Variants in ASCC3 observed in about 807,000 individuals in gnomAD.
ASCC3 encodes ASC-1 complex subunit P200.
Under a neutral mutation model 256.3 loss-of-function variants are expected in ASCC3, and 158 were observed. The observed-to-expected ratio is 0.62, with a 90% CI of 0.54 to 0.70. The LOEUF is 0.70. Ranked by LOEUF, ASCC3 falls within the 30% of genes least tolerant of loss-of-function variation. The pLI, the probability that ASCC3 is intolerant of heterozygous loss-of-function variation, is 0.00. For synonymous variants in ASCC3, 948 were observed against 883.4 expected (o/e 1.07, Z -1.30); for missense variants, 2,259 against 2,626.0 (o/e 0.86, Z 3.05).
At chr6:100,751,376 TC>T (rs1254854556) in intron 10 of ASCC3, among the ~76,000 whole-genome samples, 3 of 152,024 alleles carry the variant, frequency 2.0e-5, no homozygotes, top group Admixed American at 2.0e-4. Flanking sequence ...CTATAGGAGT[TC>T]CTTCCCCAGG....
rs142585030 is a variant in ASCC3, at chr6:100,706,506, A to G, written c.2151+8956T>C. On this transcript the variant is annotated intron_variant, in intron 13 of 41. Coordinates refer to ENST00000369162, the MANE Select transcript of ASCC3 (RefSeq NM_006828.4). The stretch of plus-strand genomic sequence containing the variant: ...ACCTCTAAATGAGTCTCAATAATCA[A>G]TGACTACTATGAAGTACCAGTTCTT... Among the ~76,000 whole-genome samples the G allele has an allele frequency of 1.5e-3, 229 of 151,916 alleles. 1 individual carries two copies. The highest frequency in any genetic ancestry group is 5.4e-3 in the African/African-American group (223 of 41,498).
chr6:100,776,198 A>G (rs2115156634), intron 8 of ASCC3, among the ~76,000 whole-genome samples: 1 of 152,256 alleles, frequency 6.6e-6, no homozygotes, highest in Non-Finnish European at 1.5e-5. Flanking sequence ...TATTGATTTT[A>G]TACATTAATG....
chr6:100,715,217 T>C (rs1779034470), intron 13 of ASCC3: 1 of 360,408 alleles, frequency 2.8e-6, no homozygotes, highest in Non-Finnish European at 5.0e-6. Context: ...AAGAATATAA[T>C]ATTTAAAATT....
chr6:100,729,414 A>G (rs1779794366), intron 10 of ASCC3, among the ~76,000 whole-genome samples: 1 of 152,222 alleles, frequency 6.6e-6, no homozygotes, highest in Non-Finnish European at 1.5e-5. Context: ...ATTGGAAGCT[A>G]TGCTTCAGTT....
chr6:100,557,803 T>C (rs1202749154), intron 36 of ASCC3, among the ~76,000 whole-genome samples: 1 of 152,096 alleles, frequency 6.6e-6, no homozygotes, highest in Non-Finnish European at 1.5e-5. Context: ...ACAAGGTGAC[T>C]ATAGTCAATA....
chr6:100,693,086 G>A (rs1414726379), intron 13 of ASCC3, among the ~76,000 whole-genome samples: 1 of 151,844 alleles, frequency 6.6e-6, no homozygotes, highest in South Asian at 2.1e-4. Flanking sequence ...AATATATAAT[G>A]ATATGAATTT....
In ASCC3 at chr6:100,848,325, G is replaced by A. The variant is rs1055390083; in HGVS notation, c.624C>T (p.Cys208=). 13 of 1,614,088 alleles carry A rather than the reference G, an allele frequency of 8.1e-6. No individual in the cohort carries two copies. Among genetic ancestry groups the A allele is most frequent in the Non-Finnish European group, 1.1e-5 (13 of 1,179,996 alleles). ...KFLNEHLQEA[C]TPELKPVEKT... ...TTTCCACAGGCTTGAGTTCTGGGGT[G>A]CAAGCCTCCTGGAGATGTTCATTCA... The change falls in exon 4 of 42, where the codon TGC becomes TGT. Residue 208 remains cysteine, a synonymous_variant. Coordinates refer to ENST00000369162, the MANE Select transcript of ASCC3 (RefSeq NM_006828.4).
intron 13 of ASCC3, among the ~76,000 whole-genome samples, chr6:100,707,118 A>G (rs1171811768): frequency 6.6e-6 from 1 of 152,092 alleles, no homozygotes. Flanking sequence ...CATATTTACC[A>G]CAGACTTCCC....
intron 4 of ASCC3, among the ~76,000 whole-genome samples, chr6:100,819,901 A>G (rs1770953283): frequency 7.1e-6 from 1 of 141,116 alleles, no homozygotes; most frequent in African/African-American, 2.4e-5. Flanking sequence ...TATTAACAAT[A>G]ATACATTACT....
chr6:100,809,209 T>C (rs2114377810), intron 4 of ASCC3, among the ~76,000 whole-genome samples: 1 of 152,166 alleles, frequency 6.6e-6, no homozygotes, highest in Admixed American at 6.6e-5. Context: ...AAGTTGGCCT[T>C]AGCTTACTGT....
At chr6:100,515,716 A>G (rs1377273177) in intron 39 of ASCC3, among the ~76,000 whole-genome samples, 1 of 152,186 alleles carries the variant, frequency 6.6e-6, no homozygotes, top group Non-Finnish European at 1.5e-5. Flanking sequence ...GAGGGGCATA[A>G]ACAAATAACT....
intron 1 of ASCC3, among the ~76,000 whole-genome samples, chr6:100,871,525 T>A (rs1438071888): frequency 1.3e-5 from 2 of 152,118 alleles, no homozygotes; most frequent in African/African-American, 4.8e-5. Flanking sequence ...TCCCAGCACT[T>A]TGGGGCCAAG....
intron 10 of ASCC3, among the ~76,000 whole-genome samples, chr6:100,765,593 T>A (rs1451350586): frequency 6.6e-6 from 1 of 152,146 alleles, no homozygotes; most frequent in Non-Finnish European, 1.5e-5. Context: ...CAAATGTATA[T>A]CTTACATGTA....
chr6:100,627,827 C>T lies in ASCC3; in HGVS notation c.4521+15G>A. 1 of 1,613,370 alleles carries T rather than the reference C, an allele frequency of 6.2e-7. No homozygotes were observed. Among genetic ancestry groups the T allele is most frequent in the African/African-American group, 1.3e-5 (1 of 75,002 alleles). On this transcript the variant is annotated intron_variant, in intron 28 of 41. Transcript: ENST00000369162. ...ACTACTAAATAAATGCATAATTTAT[C>T]AATCTTCTACATACCTGCTTAATAT...
At chr6:100,648,210 T>C (rs536129578) in intron 20 of ASCC3, among the ~76,000 whole-genome samples, 1 of 152,148 alleles carries the variant, frequency 6.6e-6, no homozygotes, top group African/African-American at 2.4e-5. Context: ...AATAGACATA[T>C]AGAAAGTTAT....
At chr6:100,624,838 T>C (rs934449503) in intron 30 of ASCC3, among the ~76,000 whole-genome samples, 1 of 151,864 alleles carries the variant, frequency 6.6e-6, no homozygotes. Context: ...TTTTATATAT[T>C]AGTGCTTCCT....
intron 13 of ASCC3, among the ~76,000 whole-genome samples, chr6:100,712,812 C>G (rs1383371693): frequency 7.8e-6 from 1 of 128,234 alleles, no homozygotes; most frequent in Non-Finnish European, 1.6e-5. Flanking sequence ...GGCTGGAGCA[C>G]AGTGACACCA....
chr6:100,832,021 T>C (rs75797830), intron 4 of ASCC3, among the ~76,000 whole-genome samples: 2 of 151,964 alleles, frequency 1.3e-5, no homozygotes, highest in Admixed American at 1.3e-4. Context: ...CAGAAGTAAA[T>C]AGATTTTAAA....
chr6:100,609,723 C>A (rs1032880121), intron 30 of ASCC3, among the ~76,000 whole-genome samples: 5 of 151,990 alleles, frequency 3.3e-5, no homozygotes, highest in Non-Finnish European at 7.4e-5. Context: ...CTAGCCTGGC[C>A]AACATGGAGA....
Sources: allele counts gnomAD v4.1 joint callset (sites outside exome capture counted in the v4.1 genomes callset), GRCh38; gene constraint gnomAD v4.1.1; transcripts MANE v1.5; gene names NCBI Gene and HGNC (gene_info 2026-07-23, HGNC 2026-07-21).